Variants in CPS1 observed in about 807,000 individuals in gnomAD.
CPS1 encodes carbamoyl-phosphate synthase [ammonia], mitochondrial.
In CPS1, 109 loss-of-function variants were observed where a neutral mutation model predicts 174.6. The ratio of observed to expected loss-of-function variants is 0.62; its 90% CI spans 0.53 to 0.73. The LOEUF is 0.73. Among genes scored for constraint, CPS1 ranks in the 30% least tolerant of loss-of-function variants. CPS1 has a pLI of 0.00. For missense variants in CPS1, 1,689 were observed against 1,821.9 expected (o/e 0.93, Z 1.33); for synonymous variants, 637 against 632.0 (o/e 1.01, Z -0.12).
intron 28 of CPS1, among the ~76,000 whole-genome samples, chr2:210,651,400 T>G (rs1700553927): frequency 6.6e-6 from 1 of 152,200 alleles, no homozygotes; most frequent in Non-Finnish European, 1.5e-5. Context: ...CCAGGTAGAC[T>G]TTGAATTCAT....
chr2:210,573,470 C>T, intron 2 of CPS1, 63 bp downstream of exon 2: 4 of 1,233,136 alleles, frequency 3.2e-6, no homozygotes, highest in Non-Finnish European at 4.8e-6. Context: ...GAAGATCTCA[C>T]TCATGGTGGT....
chr2:210,600,757 G>A (rs550438021), intron 15 of CPS1, 45 bp downstream of exon 15: 2 of 1,592,410 alleles, frequency 1.3e-6, no homozygotes, highest in South Asian at 2.2e-5. Context: ...TATTTGTCTT[G>A]TGTTGTAGGG....
chr2:210,492,065 T>C (rs758336337), intron 1 of CPS1, among the ~76,000 whole-genome samples: 5 of 152,214 alleles, frequency 3.3e-5, no homozygotes, highest in Non-Finnish European at 7.3e-5. Flanking sequence ...TGAATTTAGA[T>C]TGTGGCCTAC....
intron 1 of CPS1, among the ~76,000 whole-genome samples, chr2:210,524,544 T>G (rs1695920796): frequency 6.6e-6 from 1 of 151,938 alleles, no homozygotes; most frequent in Non-Finnish European, 1.5e-5. Flanking sequence ...ATCTGTTTCC[T>G]TATTTTATGG....
At chr2:210,650,180 C>T (rs563074460) in intron 27 of CPS1, among the ~76,000 whole-genome samples, 183 bp from the exon 28 acceptor site, 20 of 152,310 alleles carry the variant, frequency 1.3e-4, no homozygotes, top group African/African-American at 4.3e-4. Context: ...TCCTCAGCTT[C>T]GTCAGTTTTA....
intron 1 of CPS1, among the ~76,000 whole-genome samples, chr2:210,564,542 A>AT (rs1017595635): frequency 5.3e-5 from 8 of 151,984 alleles, no homozygotes; most frequent in Middle Eastern, 3.4e-3. Flanking sequence ...CGCCTGGCTA[A>AT]TTTTTTTGTA....
chr2:210,585,612 G>A (rs947133753), intron 6 of CPS1, among the ~76,000 whole-genome samples: 9 of 151,908 alleles, frequency 5.9e-5, no homozygotes, highest in Non-Finnish European at 8.8e-5. Context: ...TTGGTCTAGT[G>A]TCTGTCTCTC....
chr2:210,656,780 T>C, intron 30 of CPS1, 148 bp downstream of exon 30: 1 of 679,468 alleles, frequency 1.5e-6, no homozygotes, highest in South Asian at 1.7e-5. Context: ...TTGCTCTGAG[T>C]CACCTGGGTA....
chr2:210,590,212 C>T lies in CPS1; in HGVS notation c.818C>T (p.Pro273Leu), dbSNP rs976565264. 1.9e-6 allele frequency: 3 copies of T among 1,612,662 alleles called. No homozygotes were observed. The highest frequency in any genetic ancestry group is 1.3e-5 in the African/African-American group (1 of 74,780). ...GGPGNPALAEPLIQNVRKILE... is the reference protein window; with the variant it reads ...GGPGNPALAELLIQNVRKILE... ...CCGGGGAACCCAGCTCTTGCAGAACCACTAATTCAGAATGTCAGAAAGGTG... is the reference window on the plus strand; with the variant it reads ...CCGGGGAACCCAGCTCTTGCAGAACTACTAATTCAGAATGTCAGAAAGGTG... The change falls in exon 8 of 38, where the codon CCA (proline) becomes CTA (leucine). Residue 273 changes from proline (P) to leucine (L), a missense_variant. By Grantham distance (98) the Pro-to-Leu change is moderately conservative. Transcript: ENST00000233072.
At chr2:210,603,188 G>T (rs747270226) in intron 16 of CPS1, among the ~76,000 whole-genome samples, 7 of 151,848 alleles carry the variant, frequency 4.6e-5, no homozygotes, top group Non-Finnish European at 7.4e-5. Context: ...TCATAGAAGT[G>T]AATTTGACAG....
chr2:210,541,793 G>T (rs965286059), intron 1 of CPS1, among the ~76,000 whole-genome samples: 4 of 152,098 alleles, frequency 2.6e-5, no homozygotes, highest in African/African-American at 9.7e-5. Context: ...TGTAATGATG[G>T]TTAAGTATTT....
At chr2:210,638,391 AT>A (rs140668727) in intron 22 of CPS1, among the ~76,000 whole-genome samples, 3 of 151,422 alleles carry the variant, frequency 2.0e-5, no homozygotes, top group Admixed American at 6.6e-5. Flanking sequence ...TGCTGTTGTG[AT>A]TTTTTTTCCT....
Position 210,606,863 on chromosome 2 carries a change from C to G in CPS1, c.2114C>G (p.Pro705Arg), listed in dbSNP as rs534835336. ...GECNIQFALH[P>R]TSMEYCIIEV... ...TGCAACATTCAGTTTGCCCTTCATC[C>G]TACCTCAATGGAATACTGCATCATT... Residue 705 changes from proline (P) to arginine (R), a missense_variant, in exon 18 of 38, where the codon CCT (proline) becomes CGT (arginine). Physicochemically the swap from Pro to Arg is moderately radical, Grantham distance 103. Coordinates refer to ENST00000233072, the MANE Select transcript of CPS1 (RefSeq NM_001875.5). The G allele has an allele frequency of 2.7e-5, 43 of 1,612,652 alleles. No individual in the cohort carries two copies. In the East Asian group the frequency reaches 9.2e-4, roughly 34 times the overall value.
At chr2:210,623,353 T>A (rs1490230422) in intron 21 of CPS1, among the ~76,000 whole-genome samples, 3 of 152,122 alleles carry the variant, frequency 2.0e-5, no homozygotes, top group Admixed American at 2.0e-4. Context: ...ATTGTTGACA[T>A]AAACTTTACT....
At chr2:210,496,797 A>T (rs1159348055) in intron 1 of CPS1, among the ~76,000 whole-genome samples, 1 of 152,166 alleles carries the variant, frequency 6.6e-6, no homozygotes, top group African/African-American at 2.4e-5. Flanking sequence ...TGCACGGCTC[A>T]GTGCCTCACC....
At chr2:210,570,325 T>C (rs370090837) in intron 1 of CPS1, among the ~76,000 whole-genome samples, 297 of 152,068 alleles carry the variant, frequency 2.0e-3, no homozygotes, top group South Asian at 4.6e-3. Context: ...CAAATGTCTC[T>C]TCAACTACAG....
At chr2:210,620,840 A>G (rs1336018481) in intron 21 of CPS1, among the ~76,000 whole-genome samples, 1 of 152,034 alleles carries the variant, frequency 6.6e-6, no homozygotes, top group Non-Finnish European at 1.5e-5. Context: ...ATTAAATATC[A>G]ATCTGAGATT....
intron 1 of CPS1, among the ~76,000 whole-genome samples, chr2:210,507,069 G>T (rs375720735): frequency 2.6e-5 from 4 of 152,096 alleles, no homozygotes; most frequent in African/African-American, 9.7e-5. Context: ...CCAAGACACA[G>T]AATTGTCAGA....
At chr2:210,601,675 A>G (rs142440613) in intron 15 of CPS1, among the ~76,000 whole-genome samples, 2 of 151,982 alleles carry the variant, frequency 1.3e-5, no homozygotes, top group African/African-American at 4.8e-5. Flanking sequence ...TATAGCCACC[A>G]TATGTTGTAT....
Sources: gnomAD v4.1 joint callset for allele counts (sites outside exome capture counted in the v4.1 genomes callset) on GRCh38, gnomAD v4.1.1 for gene constraint, MANE v1.5 for transcripts, NCBI Gene and HGNC (gene_info 2026-07-23, HGNC 2026-07-21) for gene names.